CDH17: variants seen among roughly 807,000 people sequenced by gnomAD.
CDH17 encodes the protein cadherin 17, also known as cadherin-17.
In CDH17, 67 loss-of-function variants were observed where a neutral mutation model predicts 86.3. The ratio of observed to expected loss-of-function variants is 0.78; its 90% CI spans 0.64 to 0.95. The LOEUF (loss-of-function observed/expected upper bound fraction) is 0.95. CDH17 is among the 40% of genes least tolerant of loss of function. The pLI is 0.00. For synonymous variants in CDH17, 367 were observed against 366.4 expected (o/e 1.00, Z -0.02); for missense variants, 993 against 1,017.6 (o/e 0.98, Z 0.33).
rs764451671 is a variant in CDH17 at position 94,173,934 on chromosome 8, T to A, written c.646A>T (p.Met216Leu). 11 of 1,613,612 alleles carry A rather than the reference T, an allele frequency of 6.8e-6. No homozygotes were observed. The African/African-American group carries it at 9.3e-5, about 14-fold the overall frequency. ...AAGGAATTCTCACTCTGGCCTCCCA[T>A]GTCCTTCACTGAGATCACCAGATTA... Reference protein sequence around the residue: ...SYNLVISVKDMGGQSENSFSD... With the variant: ...SYNLVISVKDLGGQSENSFSD... Residue 216 changes from methionine to leucine, a missense_variant, in exon 7 of 18, where the codon ATG becomes TTG. Transcript: ENST00000027335.
At chr8:94,192,040 G>A (rs1201073193) in intron 2 of CDH17, among the ~76,000 whole-genome samples, 1 of 152,188 alleles carries the variant, frequency 6.6e-6, no homozygotes, top group Non-Finnish European at 1.5e-5. Context: ...AGTCACACCA[G>A]TGAAAACTAC....
intron 10 of CDH17, among the ~76,000 whole-genome samples, chr8:94,165,369 G>A (rs1204666612): frequency 1.3e-5 from 2 of 152,112 alleles, no homozygotes; most frequent in African/African-American, 4.8e-5. Flanking sequence ...CCTAGTCTAG[G>A]ACATTCCCAC....
intron 9 of CDH17, among the ~76,000 whole-genome samples, chr8:94,168,098 AT>A (rs1275732095): frequency 0.061 from 13 of 214 alleles, no homozygotes; most frequent in African/African-American, 0.12. Flanking sequence ...ACACTGGGGA[AT>A]ATATATATAT....
intron 15 of CDH17, among the ~76,000 whole-genome samples, chr8:94,131,610 A>G (rs943640608): frequency 1.3e-5 from 2 of 151,424 alleles, no homozygotes; most frequent in South Asian, 4.2e-4. Context: ...GGAATTCTAG[A>G]TAGCACTTCA....
upstream of CDH17, among the ~76,000 whole-genome samples, chr8:94,212,530 A>G (rs1208974646): frequency 6.6e-6 from 1 of 151,602 alleles, no homozygotes; most frequent in African/African-American, 2.4e-5. Flanking sequence ...TCCAAACCAG[A>G]ACACTTGAGA....
chr8:94,212,846 C>T (rs138037617), upstream of CDH17, among the ~76,000 whole-genome samples: 322 of 152,342 alleles, frequency 2.1e-3, no homozygotes, highest in Middle Eastern at 6.8e-3. Flanking sequence ...GCTACGCATG[C>T]CATGAAGTGG....
At chr8:94,213,304 T>C (rs2129678769), upstream of CDH17, among the ~76,000 whole-genome samples, 1 of 152,352 alleles carries the variant, frequency 6.6e-6, no homozygotes, top group African/African-American at 2.4e-5. Context: ...GGTGATTACA[T>C]AGGCCCTTCT....
At chr8:94,169,594 G>A (rs1813228563) in intron 9 of CDH17, among the ~76,000 whole-genome samples, 1 of 152,184 alleles carries the variant, frequency 6.6e-6, no homozygotes. Context: ...AGAAATGATA[G>A]TCGTGAGGCT....
intron 1 of CDH17, among the ~76,000 whole-genome samples, chr8:94,203,884 C>T (rs1813971293): frequency 6.6e-6 from 1 of 152,098 alleles, no homozygotes; most frequent in Non-Finnish European, 1.5e-5. Flanking sequence ...TAAACATAAG[C>T]CCAGCTTTCT....
At chr8:94,214,642 AC>A (rs1814168955) in intron 1 of CDH17, among the ~76,000 whole-genome samples, 1 of 152,232 alleles carries the variant, frequency 6.6e-6, no homozygotes, top group African/African-American at 2.4e-5. Context: ...AGAAAAAAAA[AC>A]AAATTGGACT....
intron 13 of CDH17, 131 bp from the exon 14 acceptor site, chr8:94,149,005 CTGAGATTATCATTA>C: frequency 1.6e-6 from 1 of 610,384 alleles, no homozygotes; most frequent in Non-Finnish European, 2.6e-6. Context: ...AATGATAATG[CTGAGATTATCATTA>C]TCAGCATTAC....
At chr8:94,198,206 A>G (rs1420370820) in intron 1 of CDH17, among the ~76,000 whole-genome samples, 1 of 152,186 alleles carries the variant, frequency 6.6e-6, no homozygotes, top group Non-Finnish European at 1.5e-5. Context: ...AAATTCCACA[A>G]CTATTTTAAG....
At chr8:94,172,174 A>G (rs1304177303) in intron 7 of CDH17, among the ~76,000 whole-genome samples, 1 of 151,976 alleles carries the variant, frequency 6.6e-6, no homozygotes, top group Non-Finnish European at 1.5e-5. Flanking sequence ...AGTTCTTTGC[A>G]GCATTTACCA....
intron 14 of CDH17, among the ~76,000 whole-genome samples, chr8:94,148,053 A>C (rs1812779759): frequency 1.3e-5 from 2 of 152,222 alleles, no homozygotes; most frequent in Admixed American, 6.5e-5. Context: ...TGAAGGAGCA[A>C]GTGGTGGTCT....
chr8:94,156,301 A>G (rs1812948097), intron 12 of CDH17, among the ~76,000 whole-genome samples: 1 of 152,214 alleles, frequency 6.6e-6, no homozygotes, highest in Admixed American at 6.5e-5. Context: ...TTAGTTTTCC[A>G]GATGACATTT....
chr8:94,130,587 C>T (rs1298680521), intron 17 of CDH17, 39 bp downstream of exon 17: 2 of 1,380,450 alleles, frequency 1.4e-6, no homozygotes, highest in Admixed American at 3.7e-5. Flanking sequence ...ATTTCTGAGG[C>T]CCAGGATAAG....
At position 94,160,160 on chromosome 8, in the gene CDH17, A is replaced by T; in HGVS notation, c.1362T>A (p.Tyr454Ter). The change falls in exon 12 of 18, where the codon TAT becomes TAA. Residue 454 changes from tyrosine to a stop codon, truncating the protein, a stop_gained and splice_region_variant. Coordinates refer to ENST00000027335, the MANE Select transcript of CDH17 (RefSeq NM_004063.4). LOFTEE classifies it high-confidence loss of function. ...TGTCTTCAGCAAGAGTCAGGTTTCC[A>T]TACTAAGGAGAAAATGGAGAAGGAA... ...DQIPIFEKSD[Y>*]GNLTLAEDTN... The T allele has an allele frequency of 6.2e-7, 1 of 1,607,764 alleles. No homozygotes were observed. The highest frequency in any genetic ancestry group is 8.5e-7 in the Non-Finnish European group (1 of 1,177,300).
chr8:94,209,040 A>G (rs1563593926), upstream of CDH17, among the ~76,000 whole-genome samples: 1 of 152,216 alleles, frequency 6.6e-6, no homozygotes, highest in Non-Finnish European at 1.5e-5. Flanking sequence ...CTCAGAAGAC[A>G]TGAGGAAAGA....
intron 12 of CDH17, among the ~76,000 whole-genome samples, chr8:94,158,593 A>G (rs1196023655): frequency 6.6e-6 from 1 of 152,132 alleles, no homozygotes. Flanking sequence ...AAGCTCTGAA[A>G]ACTGCCCTTT....
Sources: allele counts gnomAD v4.1 joint callset (sites outside exome capture counted in the v4.1 genomes callset), GRCh38; gene constraint gnomAD v4.1.1; transcripts MANE v1.5; gene names NCBI Gene and HGNC (gene_info 2026-07-23, HGNC 2026-07-21).